WDTC1: variants seen among roughly 807,000 people sequenced by gnomAD.
WDTC1 encodes the protein WD and tetratricopeptide repeats 1.
Under a neutral mutation model 76.0 loss-of-function variants are expected in WDTC1, and 12 were observed. The ratio of observed to expected loss-of-function variants is 0.16; its 90% CI spans 0.10 to 0.26. WDTC1 has a LOEUF of 0.26. WDTC1 is among the 10% of genes least tolerant of loss of function. The pLI is 1.00. For synonymous variants in WDTC1, 326 were observed against 350.8 expected (o/e 0.93, Z 0.79); for missense variants, 511 against 908.8 (o/e 0.56, Z 5.63).
rs979050256 is a variant in WDTC1 at position 27,303,463 on chromosome 1, T to A, written c.1469-158T>A. Among the ~76,000 whole-genome samples, 5 of 152,156 alleles carry A rather than the reference T, an allele frequency of 3.3e-5. No homozygotes were observed. Among genetic ancestry groups the A allele is most frequent in the Non-Finnish European group, 7.4e-5 (5 of 68,020 alleles). ...CTCAGGGGCTAGATCCAAAGATGCA[T>A]CTTCCTCACAACCTTTCCCCAGTTT... On this transcript the variant is annotated intron_variant, in intron 13 of 15. Transcript: ENST00000319394. The surrounding 1 kb of genome is among the most constrained non-coding windows in gnomAD (Gnocchi z 4.8).
At chr1:27,270,152 A>T (rs1368603730) in intron 3 of WDTC1, among the ~76,000 whole-genome samples, 1 of 152,076 alleles carries the variant, frequency 6.6e-6, no homozygotes. Context: ...TTGAACCGCT[A>T]GGCTCATGTA....
intron 1 of WDTC1, among the ~76,000 whole-genome samples, chr1:27,252,752 C>T (rs1030111053): frequency 3.3e-5 from 5 of 150,814 alleles, no homozygotes; most frequent in South Asian, 2.1e-4. Context: ...GAGCTGAGAT[C>T]GCACCACTGC....
chr1:27,245,216 T>A (rs975301822), intron 1 of WDTC1, among the ~76,000 whole-genome samples: 1 of 151,868 alleles, frequency 6.6e-6, no homozygotes. Flanking sequence ...TTATATTAGC[T>A]TTCTAACTTC....
Position 27,305,097 on chromosome 1 carries a change from G to A in WDTC1, c.1740G>A (p.Glu580=), listed in dbSNP as rs746739496. The A allele has an allele frequency of 1.2e-6, 2 of 1,614,042 alleles. No individual in the cohort carries two copies. Among genetic ancestry groups the A allele is most frequent in the Admixed American group, 3.3e-5 (2 of 60,016 alleles). Residue 580 remains glutamate (E), a synonymous_variant, in exon 15 of 16, where the codon GAG becomes GAA. Coordinates refer to ENST00000319394, the MANE Select transcript of WDTC1 (RefSeq NM_001276252.2). This position sits in a 1 kb window ranked among gnomAD's most constrained non-coding sequence, Gnocchi z 4.6. ...TNLVRVLQGD[E]SIVNCLQPHP... is the part of the protein sequence containing the mutation. Reference sequence around the variant, plus strand: ...TGGTCCGTGTGCTCCAAGGGGATGAGTCCATTGTCAACTGCCTGCAGCCAC... The same window carrying A: ...TGGTCCGTGTGCTCCAAGGGGATGAATCCATTGTCAACTGCCTGCAGCCAC...
rs564655135 is a variant in WDTC1 at position 27,305,480 on chromosome 1, C to T, written c.1836+287C>T. Among the ~76,000 whole-genome samples the T allele has an allele frequency of 4.3e-4, 65 of 152,326 alleles. No individual in the cohort carries two copies. The highest frequency in any genetic ancestry group is 8.1e-4 in the Non-Finnish European group (55 of 68,028). ...TCCTCACTCGCTGCCTGAGAGACTT[C>T]ACCATCTCTGACCCAGGCTTTTAAT... On this transcript the variant is annotated intron_variant, in intron 15 of 15. Coordinates refer to ENST00000319394, the MANE Select transcript of WDTC1 (RefSeq NM_001276252.2). This position sits in a 1 kb window ranked among gnomAD's most constrained non-coding sequence, Gnocchi z 4.6.
chr1:27,274,265 G>A lies in WDTC1; in HGVS notation c.133-7974G>A, dbSNP rs2012960175. Among the ~76,000 whole-genome samples, 1 of 151,998 alleles carries A rather than the reference G, an allele frequency of 6.6e-6. No homozygotes were observed. Among genetic ancestry groups the A allele is most frequent in the African/African-American group, 2.4e-5 (1 of 41,378 alleles). Reference sequence around the variant, plus strand: ...ATGATCATACCACTTACTCCAGCCTGGGCAATGGAAGGAGACACTGTCTTT... The same window carrying A: ...ATGATCATACCACTTACTCCAGCCTAGGCAATGGAAGGAGACACTGTCTTT... On this transcript the variant is annotated intron_variant, in intron 3 of 15. Transcript: ENST00000319394. This position sits in a 1 kb window ranked among gnomAD's most constrained non-coding sequence, Gnocchi z 4.2.
At chr1:27,269,622 T>G (rs1007670988) in intron 3 of WDTC1, among the ~76,000 whole-genome samples, 20 of 117,862 alleles carry the variant, frequency 1.7e-4, no homozygotes, top group African/African-American at 5.8e-4. Context: ...TTTTTTTCGG[T>G]TTTTTTTTTT....
intron 3 of WDTC1, among the ~76,000 whole-genome samples, chr1:27,265,009 GC>G (rs1338384604): frequency 1.3e-5 from 2 of 151,944 alleles, no homozygotes; most frequent in Non-Finnish European, 2.9e-5. Context: ...TCACCATGTT[GC>G]CCAGGCTGGT....
intron 1 of WDTC1, among the ~76,000 whole-genome samples, chr1:27,248,036 TC>T (rs1228638254): frequency 6.6e-6 from 1 of 152,218 alleles, no homozygotes; most frequent in Non-Finnish European, 1.5e-5. Flanking sequence ...ATCTTCTTTA[TC>T]CCATCTGCTG....
chr1:27,243,769 G>A (rs149469263), intron 1 of WDTC1, among the ~76,000 whole-genome samples: 85 of 152,154 alleles, frequency 5.6e-4, no homozygotes, highest in African/African-American at 2.0e-3. Context: ...ACATGCAAGC[G>A]CTTCTGTTCC....
At chr1:27,269,289 C>T (rs1218189821) in intron 3 of WDTC1, among the ~76,000 whole-genome samples, 4 of 149,676 alleles carry the variant, frequency 2.7e-5, no homozygotes, top group African/African-American at 9.8e-5. Flanking sequence ...CTGCAGTGAG[C>T]CATGATCACA....
intron 1 of WDTC1, among the ~76,000 whole-genome samples, chr1:27,248,423 A>T (rs2011922386): frequency 6.6e-6 from 1 of 151,982 alleles, no homozygotes; most frequent in African/African-American, 2.4e-5. Context: ...GCTTTTTTTC[A>T]TATGCTTGTT....
rs903605910 is a variant in WDTC1 at position 27,234,638 on chromosome 1, C to T, written c.-413C>T. On this transcript the variant is annotated 5_prime_UTR_variant, in exon 1 of 16. Transcript: ENST00000319394. Reference sequence around the variant, plus strand: ...GTGGCGCAGGCGCGTTGCTGGGCTTCTCCTGGGTCCCCAGACAGCTGGAGG... The same window carrying T: ...GTGGCGCAGGCGCGTTGCTGGGCTTTTCCTGGGTCCCCAGACAGCTGGAGG... 7.6e-6 allele frequency: 3 copies of T among 395,158 alleles called. No individual in the cohort carries two copies. Among genetic ancestry groups the T allele is most frequent in the Non-Finnish European group, 8.9e-6 (2 of 224,178 alleles). 24.5% of individuals were successfully genotyped at this position (395,158 alleles called of 1,614,324 possible). A position where few individuals can be genotyped will look rare whatever the true frequency, so the allele number is the denominator to read the frequency against.
intron 1 of WDTC1, among the ~76,000 whole-genome samples, chr1:27,259,522 C>T (rs1407021198): frequency 1.3e-5 from 2 of 151,512 alleles, no homozygotes; most frequent in African/African-American, 2.4e-5. Flanking sequence ...GGCAGAGTCT[C>T]GCTATGTTGC....
At chr1:27,247,448 A>T (rs1037904977) in intron 1 of WDTC1, among the ~76,000 whole-genome samples, 1 of 152,060 alleles carries the variant, frequency 6.6e-6, no homozygotes, top group Non-Finnish European at 1.5e-5. Context: ...AGTACTCAAT[A>T]GTTATTTTTT....
At chr1:27,290,246 T>C (rs1387513594) in intron 6 of WDTC1, among the ~76,000 whole-genome samples, 1 of 151,990 alleles carries the variant, frequency 6.6e-6, no homozygotes, top group East Asian at 1.9e-4. Flanking sequence ...CATGCTTGGC[T>C]AATTTTTCTA....
chr1:27,237,309 A>G (rs1179355128), intron 1 of WDTC1, among the ~76,000 whole-genome samples: 2 of 152,136 alleles, frequency 1.3e-5, no homozygotes, highest in Non-Finnish European at 2.9e-5. Flanking sequence ...AATGTTGCTG[A>G]CATGTGCAGT....
At chr1:27,236,031 C>T (rs2011485185) in intron 1 of WDTC1, among the ~76,000 whole-genome samples, 1 of 152,246 alleles carries the variant, frequency 6.6e-6, no homozygotes, top group South Asian at 2.1e-4. Context: ...AAAGACGTTA[C>T]GAAATCCCCA....
chr1:27,290,352 A>G lies in WDTC1; in HGVS notation c.480-1863A>G, dbSNP rs537113528. 3.3e-5 allele frequency among the ~76,000 whole-genome samples: 5 copies of G among 152,176 alleles called. No homozygotes were observed. In the South Asian group the frequency reaches 1.0e-3, roughly 32 times the overall value. ...TCCCACCTCGGCCTCCCACAGTGCT[A>G]TGATTGCTGGTGTGAGCTACCACAC... On this transcript the variant is annotated intron_variant, in intron 6 of 15. Coordinates refer to ENST00000319394, the MANE Select transcript of WDTC1 (RefSeq NM_001276252.2).
Sources: allele counts gnomAD v4.1 joint callset (sites outside exome capture counted in the v4.1 genomes callset), GRCh38; gene constraint gnomAD v4.1.1; non-coding constraint Gnocchi (gnomAD v3.1); transcripts MANE v1.5; gene names NCBI Gene and HGNC (gene_info 2026-07-23, HGNC 2026-07-21).